MARCHF1: variants seen among roughly 807,000 people sequenced by gnomAD.
MARCHF1 encodes membrane associated ring-CH-type finger 1.
MARCHF1 carries 40 observed loss-of-function variants against 54.2 expected under a neutral mutation model. That is an observed-to-expected ratio of 0.74 (90% confidence interval 0.57 to 0.96). MARCHF1 has a LOEUF of 0.96. MARCHF1 is among the 40% of genes least tolerant of loss of function. The pLI is 0.00. For missense variants in MARCHF1, 586 were observed against 656.5 expected (o/e 0.89, Z 1.17); for synonymous variants, 236 against 236.3 (o/e 1.00, Z 0.01).
At chr4:164,029,382 C>G (rs1753831298) in intron 2 of MARCHF1, among the ~76,000 whole-genome samples, 1 of 151,918 alleles carries the variant, frequency 6.6e-6, no homozygotes, top group South Asian at 2.1e-4. Context: ...TCATGAGAGC[C>G]CACTCACTCA....
intron 8 of MARCHF1, among the ~76,000 whole-genome samples, chr4:163,579,089 A>G (rs1273632248): frequency 6.6e-6 from 1 of 152,204 alleles, no homozygotes; most frequent in African/African-American, 2.4e-5. Context: ...TTTCTTTGAC[A>G]TTTCAAAAGA....
intron 1 of MARCHF1, among the ~76,000 whole-genome samples, chr4:164,154,165 TC>T (rs1730014149): frequency 6.6e-6 from 1 of 152,254 alleles, no homozygotes; most frequent in African/African-American, 2.4e-5. Context: ...ATAATAGGCT[TC>T]ATAGCTAGCT....
intron 3 of MARCHF1, among the ~76,000 whole-genome samples, chr4:163,971,285 A>ATTG (rs1752542417): frequency 6.6e-6 from 1 of 152,228 alleles, no homozygotes; most frequent in African/African-American, 2.4e-5. Context: ...TGGTAGAGCC[A>ATTG]TCCACACGAA....
chr4:163,818,154 A>T (rs1196696349), intron 4 of MARCHF1, among the ~76,000 whole-genome samples: 1 of 152,118 alleles, frequency 6.6e-6, no homozygotes, highest in African/African-American at 2.4e-5. Context: ...TAATGAAATG[A>T]TTACTTAGAT....
intron 2 of MARCHF1, among the ~76,000 whole-genome samples, chr4:164,106,786 A>T (rs879332659): frequency 6.6e-5 from 10 of 151,956 alleles, no homozygotes; most frequent in Admixed American, 6.6e-4. Flanking sequence ...AAATAAAAAA[A>T]AAAAAGGAAT....
At chr4:164,236,399 T>C (rs1381227293) in intron 1 of MARCHF1, among the ~76,000 whole-genome samples, 2 of 152,086 alleles carry the variant, frequency 1.3e-5, no homozygotes, top group Non-Finnish European at 2.9e-5. Flanking sequence ...AACACAAATA[T>C]TTTTTCTGCA....
intron 1 of MARCHF1, among the ~76,000 whole-genome samples, chr4:164,368,667 T>G (rs568669616): frequency 6.6e-6 from 1 of 152,208 alleles, no homozygotes; most frequent in Non-Finnish European, 1.5e-5. Flanking sequence ...TTATCCTAAA[T>G]ATGCAGGGAC....
chr4:163,640,620 T>C (rs1254489262), intron 5 of MARCHF1, among the ~76,000 whole-genome samples: 1 of 152,140 alleles, frequency 6.6e-6, no homozygotes, highest in Non-Finnish European at 1.5e-5. Context: ...ATTTCTACCA[T>C]GTTCATACCA....
chr4:164,056,533 C>T (rs1282792134), intron 2 of MARCHF1, among the ~76,000 whole-genome samples: 2 of 151,992 alleles, frequency 1.3e-5, no homozygotes, highest in African/African-American at 4.8e-5. Context: ...TTCACAGGAA[C>T]ATTCATGTAA....
At chr4:163,579,738 T>C (rs1740159284) in intron 8 of MARCHF1, among the ~76,000 whole-genome samples, 1 of 152,196 alleles carries the variant, frequency 6.6e-6, no homozygotes, top group African/African-American at 2.4e-5. Flanking sequence ...ATAGGAAAGC[T>C]GTGTTTGAGC....
intron 4 of MARCHF1, among the ~76,000 whole-genome samples, chr4:163,816,815 G>T (rs1158226309): frequency 6.6e-6 from 1 of 152,054 alleles, no homozygotes; most frequent in Non-Finnish European, 1.5e-5. Flanking sequence ...AGCAGCTTTT[G>T]GATATCAGGA....
chr4:164,332,573 G>A (rs954336340), intron 1 of MARCHF1, among the ~76,000 whole-genome samples: 6 of 152,020 alleles, frequency 3.9e-5, no homozygotes, highest in African/African-American at 1.4e-4. Context: ...TGAGACAGCT[G>A]GGTTCCTGAG....
intron 4 of MARCHF1, among the ~76,000 whole-genome samples, chr4:163,844,735 A>T (rs1350780381): frequency 6.6e-6 from 1 of 152,314 alleles, no homozygotes; most frequent in East Asian, 1.9e-4. Flanking sequence ...GTTCCATGAT[A>T]ACAGACAGCT....
intron 3 of MARCHF1, among the ~76,000 whole-genome samples, chr4:163,864,031 G>A (rs2111198310): frequency 6.6e-6 from 1 of 152,052 alleles, no homozygotes; most frequent in Middle Eastern, 3.4e-3. Context: ...ATGAATGATT[G>A]AATAAAGAAA....
At chr4:163,696,442 T>C (rs963804528) in intron 5 of MARCHF1, among the ~76,000 whole-genome samples, 1 of 152,112 alleles carries the variant, frequency 6.6e-6, no homozygotes, top group Admixed American at 6.5e-5. Flanking sequence ...TCTAGATCAA[T>C]TTCTCTGTTT....
chr4:164,042,424 GGA>G (rs1754148483), intron 2 of MARCHF1, among the ~76,000 whole-genome samples: 1 of 152,052 alleles, frequency 6.6e-6, no homozygotes, highest in South Asian at 2.1e-4. Flanking sequence ...GCAGCAAAAG[GGA>G]GAGAGAGCAA....
chr4:163,557,309 T>C lies in MARCHF1; in HGVS notation c.1192-11566A>G, dbSNP rs187926360. Among the ~76,000 whole-genome samples, 663 of 152,316 alleles carry C rather than the reference T, an allele frequency of 4.4e-3. 2 individuals carry two copies. Among genetic ancestry groups the C allele is most frequent in the Non-Finnish European group, 7.1e-3 (482 of 68,026 alleles). ...GTGTTTACATGGCAATATTCAACTT[T>C]GTTTAATTATTTTGCTGTATAAGCT... On this transcript the variant is annotated intron_variant, in intron 8 of 9. Coordinates refer to ENST00000514618, the MANE Select transcript of MARCHF1 (RefSeq NM_001394959.1).
chr4:164,207,013 T>C (rs1731625582), intron 1 of MARCHF1, among the ~76,000 whole-genome samples: 1 of 152,178 alleles, frequency 6.6e-6, no homozygotes, highest in Non-Finnish European at 1.5e-5. Context: ...TAACAGGGGA[T>C]ATTGACTGAG....
chr4:164,007,041 A>G (rs1380139456), intron 2 of MARCHF1, among the ~76,000 whole-genome samples: 1 of 120,848 alleles, frequency 8.3e-6, no homozygotes, highest in African/African-American at 3.2e-5. Flanking sequence ...AAGAACATGC[A>G]AAAAGAAAAC....
Sources: gnomAD v4.1 joint callset for allele counts (sites outside exome capture counted in the v4.1 genomes callset) on GRCh38, gnomAD v4.1.1 for gene constraint, MANE v1.5 for transcripts, NCBI Gene and HGNC (gene_info 2026-07-23, HGNC 2026-07-21) for gene names.